Variants in TRAFD1 observed in about 807,000 individuals in gnomAD.
The protein encoded by TRAFD1 is TRAF-type zinc finger domain-containing protein 1.
In TRAFD1, 38 loss-of-function variants were observed where a neutral mutation model predicts 65.3. The ratio of observed to expected loss-of-function variants is 0.58; its 90% CI spans 0.45 to 0.76. TRAFD1 has a LOEUF of 0.76. Among genes scored for constraint, TRAFD1 ranks in the 30% least tolerant of loss-of-function variants. The pLI is 0.00. For missense variants in TRAFD1, 631 were observed against 712.6 expected (o/e 0.89, Z 1.30); for synonymous variants, 223 against 257.2 (o/e 0.87, Z 1.27).
chr12:112,127,661 C>CTTTTTTTTTTTTTTTTTTTTT (rs1316495205), intron 1 of TRAFD1, among the ~76,000 whole-genome samples: 1 of 148,986 alleles, frequency 6.7e-6, no homozygotes, highest in South Asian at 2.1e-4. Flanking sequence ...TAATTTTTTG[C>CTTTTTTTTTTTTTTTTTTTTT]TTTTTTGTTT....
At chr12:112,139,071 C>T (rs2030006401) in intron 4 of TRAFD1, among the ~76,000 whole-genome samples, 1 of 152,064 alleles carries the variant, frequency 6.6e-6, no homozygotes, top group Non-Finnish European at 1.5e-5. Context: ...TGCACAGTGG[C>T]TCACGCCTGT....
chr12:112,149,719 C>A, intron 8 of TRAFD1, 32 bp from the exon 9 acceptor site: 1 of 1,613,140 alleles, frequency 6.2e-7, no homozygotes, highest in Non-Finnish European at 8.5e-7. Flanking sequence ...TGACTCAATT[C>A]AGAGGTACTA....
intron 2 of TRAFD1, among the ~76,000 whole-genome samples, chr12:112,134,001 ATT>A (rs545753010): frequency 2.0e-4 from 19 of 95,140 alleles, no homozygotes; most frequent in African/African-American, 6.9e-4. Flanking sequence ...AAAGGATTTA[ATT>A]TTTTTTTTTT....
chr12:112,132,459 G>A (rs2079571267), intron 2 of TRAFD1, among the ~76,000 whole-genome samples: 1 of 152,170 alleles, frequency 6.6e-6, no homozygotes, highest in Non-Finnish European at 1.5e-5. Flanking sequence ...TCTTTAAAAA[G>A]TTGGGATGTA....
intron 4 of TRAFD1, among the ~76,000 whole-genome samples, chr12:112,139,703 G>A (rs569104198): frequency 2.6e-5 from 4 of 152,322 alleles, no homozygotes; most frequent in Admixed American, 6.5e-5. Flanking sequence ...GATTACAGGC[G>A]TGGGCCATTG....
intron 3 of TRAFD1, 69 bp from the exon 4 acceptor site, chr12:112,134,944 G>C: frequency 6.2e-6 from 10 of 1,613,486 alleles, no homozygotes; most frequent in Non-Finnish European, 6.8e-6. Flanking sequence ...TATTCTGTTT[G>C]CTATTGTGCA....
chr12:112,141,841 G>T, intron 5 of TRAFD1: 1 of 472,058 alleles, frequency 2.1e-6, no homozygotes, highest in South Asian at 2.8e-5. Flanking sequence ...CACAGTGCCT[G>T]TCTCATAATT....
chr12:112,129,887 C>T (rs1389627529), intron 1 of TRAFD1, among the ~76,000 whole-genome samples: 1 of 152,054 alleles, frequency 6.6e-6, no homozygotes, highest in Non-Finnish European at 1.5e-5. Flanking sequence ...TGTGATCTGC[C>T]TGCCTCGGCC....
Position 112,142,120 on chromosome 12 carries a change from A to G in TRAFD1, c.675A>G (p.Arg225=). 1 of 1,613,824 alleles carries G rather than the reference A, an allele frequency of 6.2e-7. No homozygotes were observed. Among genetic ancestry groups the G allele is most frequent in the Non-Finnish European group, 8.5e-7 (1 of 1,179,908 alleles). The change falls in exon 6 of 12, where the codon AGA becomes AGG. Residue 225 remains arginine, a synonymous_variant. Coordinates refer to ENST00000412615, the MANE Select transcript of TRAFD1 (RefSeq NM_006700.3). ...AACAAGAGAGGCAGGAAAGGAATAG[A>G]GGCCAACAGCCCCCCAAAGAGGGTG... ...FEEQERQERN[R]GQQPPKEGGE...
chr12:112,139,885 C>T (rs141692051), intron 4 of TRAFD1, among the ~76,000 whole-genome samples: 119 of 152,148 alleles, frequency 7.8e-4, no homozygotes, highest in African/African-American at 2.8e-3. Flanking sequence ...CCTGTGGTCC[C>T]AAGCAACTCA....
chr12:112,151,170 A>G (rs1032257649), intron 9 of TRAFD1, among the ~76,000 whole-genome samples: 4 of 151,900 alleles, frequency 2.6e-5, no homozygotes, highest in African/African-American at 9.7e-5. Flanking sequence ...TCCAGGAGGC[A>G]GAGGCTGCAG....
intron 2 of TRAFD1, among the ~76,000 whole-genome samples, chr12:112,134,218 C>T (rs1422263218): frequency 6.6e-6 from 1 of 151,236 alleles, no homozygotes; most frequent in Non-Finnish European, 1.5e-5. Flanking sequence ...CCATGTTGGC[C>T]AGGCTGATCT....
At chr12:112,142,823 T>C (rs183236968) in intron 6 of TRAFD1, among the ~76,000 whole-genome samples, 46 of 152,282 alleles carry the variant, frequency 3.0e-4, no homozygotes, top group African/African-American at 1.1e-3. Flanking sequence ...TCTCAAATAG[T>C]TCAGGGGAAA....
In TRAFD1 at chr12:112,142,252, C is replaced by T. The variant is rs781535945; in HGVS notation, c.807C>T (p.Ala269=). ...ACTTCTGGAGGGCCGTATGTGAGGC[C>T]GACCAGTCTCATGGCGGTCCCAGGT... is the stretch of plus-strand genomic sequence containing the variant. ...EQDFWRAVCE[A]DQSHGGPRSL... Residue 269 remains alanine (A), a synonymous_variant, in exon 6 of 12, where the codon GCC becomes GCT. Coordinates refer to ENST00000412615, the MANE Select transcript of TRAFD1 (RefSeq NM_006700.3). 29 of 1,613,634 alleles carry T rather than the reference C, an allele frequency of 1.8e-5. No individual in the cohort carries two copies. The highest frequency in any genetic ancestry group is 4.5e-5 in the East Asian group (2 of 44,872).
At position 112,152,558 on chromosome 12, in the gene TRAFD1, G is replaced by A. The variant is rs1358838785; in HGVS notation, c.1692+59G>A. ...GGGACTCAGACATGGTGGGGCTTGT[G>A]TGGCTCCTGAAGTTGTAGAAGTTGT... On this transcript the variant is annotated intron_variant, in intron 11 of 11. Coordinates refer to ENST00000412615, the MANE Select transcript of TRAFD1 (RefSeq NM_006700.3). This position sits in a 1 kb window ranked among gnomAD's most constrained non-coding sequence, Gnocchi z 5.0. The A allele has an allele frequency of 6.2e-7, 1 of 1,606,712 alleles. No individual in the cohort carries two copies. Among genetic ancestry groups the A allele is most frequent in the East Asian group, 2.2e-5 (1 of 44,758 alleles).
At chr12:112,140,419 CAAAA>C (rs548396276) in intron 4 of TRAFD1, among the ~76,000 whole-genome samples, 10 of 69,192 alleles carry the variant, frequency 1.4e-4, no homozygotes, top group Non-Finnish European at 1.6e-4. Context: ...GACACTGTCT[CAAAA>C]AAAAAAAAAA....
intron 4 of TRAFD1, among the ~76,000 whole-genome samples, chr12:112,136,819 T>C (rs1419337738): frequency 6.6e-6 from 1 of 152,214 alleles, no homozygotes; most frequent in Non-Finnish European, 1.5e-5. Flanking sequence ...TCTCGAACTC[T>C]TGGCCTCAAG....
intron 2 of TRAFD1, among the ~76,000 whole-genome samples, chr12:112,131,169 C>G (rs2079564765): frequency 6.6e-6 from 1 of 152,140 alleles, no homozygotes; most frequent in African/African-American, 2.4e-5. Flanking sequence ...TAGAGTATTT[C>G]TGCTATGCCA....
rs1398829574 is a variant in TRAFD1, at chr12:112,152,182, A to G, written c.1619+42A>G. The G allele has an allele frequency of 3.8e-6, 6 of 1,576,154 alleles. No homozygotes were observed. Among genetic ancestry groups the G allele is most frequent in the Non-Finnish European group, 5.2e-6 (6 of 1,161,630 alleles). On this transcript the variant is annotated intron_variant, in intron 10 of 11. Transcript: ENST00000412615. This position sits in a 1 kb window ranked among gnomAD's most constrained non-coding sequence, Gnocchi z 5.0. ...CAGGAATGGGGCTTGGGAGTAGCTG[A>G]AGCGAACATGGGCAAAGGCCTGGTT...
Sources: gnomAD v4.1 joint callset for allele counts (sites outside exome capture counted in the v4.1 genomes callset) on GRCh38, gnomAD v4.1.1 for gene constraint, Gnocchi (gnomAD v3.1) non-coding constraint, MANE v1.5 for transcripts, NCBI Gene and HGNC (gene_info 2026-07-23, HGNC 2026-07-21) for gene names.